The following AKAP7 variants were observed in gnomAD, a reference collection of about 807,000 sequenced individuals.
AKAP7 encodes the protein A-kinase anchoring protein 7.
Under a neutral mutation model 39.5 loss-of-function variants are expected in AKAP7, and 39 were observed. The observed-to-expected ratio is 0.99, with a 90% CI of 0.76 to 1.29. The LOEUF is 1.29. Ranked by LOEUF, AKAP7 falls within the 50% of genes most tolerant of loss-of-function variation. The pLI, the probability that AKAP7 is intolerant of heterozygous loss-of-function variation, is 0.00. For missense variants in AKAP7, 414 were observed against 407.7 expected, an observed-to-expected ratio of 1.02 and a Z score of -0.13; for synonymous variants, 140 against 139.1, an observed-to-expected ratio of 1.01 and a Z score of -0.05.
At chr6:131,240,856 G>A (rs111335902) in intron 7 of AKAP7, among the ~76,000 whole-genome samples, 3,614 of 152,266 alleles carry the variant, frequency 0.024, 149 homozygotes, top group African/African-American at 0.082. Flanking sequence ...TGCACTTCCC[G>A]GGTGAGGTGA....
At chr6:131,213,604 A>G (rs1808877908) in intron 6 of AKAP7, among the ~76,000 whole-genome samples, 1 of 152,142 alleles carries the variant, frequency 6.6e-6, no homozygotes, top group African/African-American at 2.4e-5. Context: ...GTTTGATGAA[A>G]GGGAGTTGAG....
At chr6:131,131,660 A>G (rs1322969775), upstream of AKAP7, among the ~76,000 whole-genome samples, 1 of 152,114 alleles carries the variant, frequency 6.6e-6, no homozygotes, top group Non-Finnish European at 1.5e-5. Context: ...CGTAAAGTCT[A>G]ATGTATGAAA....
At chr6:131,226,913 A>C (rs562243264) in intron 7 of AKAP7, among the ~76,000 whole-genome samples, 1 of 152,188 alleles carries the variant, frequency 6.6e-6, no homozygotes, top group Non-Finnish European at 1.5e-5. Context: ...CGATGTGCCT[A>C]CTTCTCTCTC....
At chr6:131,155,469 T>C (rs1802337977) in intron 2 of AKAP7, among the ~76,000 whole-genome samples, 1 of 152,268 alleles carries the variant, frequency 6.6e-6, no homozygotes, top group Non-Finnish European at 1.5e-5. Flanking sequence ...TTCCATCTAA[T>C]GGATCATCCA....
chr6:131,128,193 G>A, the AKAP7 span, among the ~76,000 whole-genome samples: 4 of 151,848 alleles, frequency 2.6e-5, no homozygotes, highest in African/African-American at 9.7e-5. Context: ...ATAAAATAAT[G>A]GATTTTATAA....
intron 7 of AKAP7, among the ~76,000 whole-genome samples, chr6:131,238,898 C>T (rs370438273): frequency 6.6e-6 from 1 of 152,150 alleles, no homozygotes; most frequent in African/African-American, 2.4e-5. Flanking sequence ...GAGCATTTAG[C>T]CCATTTACAT....
chr6:131,169,725 A>G (rs1472622696), intron 5 of AKAP7, among the ~76,000 whole-genome samples: 2 of 152,326 alleles, frequency 1.3e-5, no homozygotes. Flanking sequence ...AGCAGAAAAA[A>G]AATCATAACC....
chr6:131,255,033 C>G (rs1296795265), intron 7 of AKAP7, among the ~76,000 whole-genome samples: 2 of 152,132 alleles, frequency 1.3e-5, no homozygotes, highest in Admixed American at 1.3e-4. Context: ...AAATTTTACA[C>G]AAGGACATCT....
At chr6:131,253,142 A>AT (rs770195483) in intron 7 of AKAP7, 17 of 1,583,534 alleles carry the variant, frequency 1.1e-5, no homozygotes, top group Admixed American at 1.7e-5. Flanking sequence ...TCCTGCTGCT[A>AT]TTTTATCCTG....
At chr6:131,236,839 T>C (rs979149186) in intron 7 of AKAP7, among the ~76,000 whole-genome samples, 2 of 152,188 alleles carry the variant, frequency 1.3e-5, no homozygotes, top group African/African-American at 4.8e-5. Flanking sequence ...TATACAATCA[T>C]GTCATCTGCA....
chr6:131,258,946 G>T (rs1044266584), intron 7 of AKAP7, among the ~76,000 whole-genome samples: 2 of 152,122 alleles, frequency 1.3e-5, no homozygotes, highest in Non-Finnish European at 2.9e-5. Flanking sequence ...ATTCCCAAGG[G>T]AGTCAGAGCT....
chr6:131,210,503 TG>T (rs928537250), intron 6 of AKAP7, among the ~76,000 whole-genome samples: 1 of 152,220 alleles, frequency 6.6e-6, no homozygotes, highest in African/African-American at 2.4e-5. Flanking sequence ...ATTTAACTGT[TG>T]GCCAGGTTTG....
chr6:131,219,888 C>T, intron 7 of AKAP7, 80 bp downstream of exon 7: 1 of 1,000,956 alleles, frequency 1.0e-6, no homozygotes, highest in South Asian at 2.3e-5. Flanking sequence ...AATATTTAAA[C>T]TTAGTTGTAT....
rs575904406 is a variant in AKAP7 at position 131,135,806 on chromosome 6, C to T, written c.19+24C>T. 446 of 1,227,134 alleles carry T rather than the reference C, an allele frequency of 3.6e-4. No individual in the cohort carries two copies. The African/African-American group carries it at 6.2e-3, about 17-fold the overall frequency. 76.0% of individuals were successfully genotyped at this position (1,227,134 alleles called of 1,614,324 possible). Reference sequence around the variant, plus strand: ...GGGTGAGACCGGGCTGTCCAGCGGGCCGGGGCGGGGGCGACAGGAGCCGCG... The same window carrying T: ...GGGTGAGACCGGGCTGTCCAGCGGGTCGGGGCGGGGGCGACAGGAGCCGCG... On this transcript the variant is annotated intron_variant, in intron 1 of 7. Coordinates refer to ENST00000431975, the MANE Select transcript of AKAP7 (RefSeq NM_016377.4).
Position 131,282,031 on chromosome 6 carries a change from C to T in AKAP7, c.*305C>T, listed in dbSNP as rs775795554. On this transcript the variant is annotated 3_prime_UTR_variant, in exon 8 of 8. Transcript: ENST00000431975. ...TGCCTCCTGGACGCAAATTAAAGGCCGAGAAAGAGGCCTTGCCATCAATGG... is the reference window on the plus strand; with the variant it reads ...TGCCTCCTGGACGCAAATTAAAGGCTGAGAAAGAGGCCTTGCCATCAATGG... The T allele has an allele frequency of 3.0e-5, 34 of 1,142,820 alleles. No homozygotes were observed. The highest frequency in any genetic ancestry group is 4.5e-5 in the Admixed American group (1 of 22,212). The allele number at this position is 1,142,820 out of a possible 1,614,324, so 70.8% of individuals were successfully genotyped here.
chr6:131,235,509 G>A (rs1810974242), intron 7 of AKAP7, among the ~76,000 whole-genome samples: 1 of 152,186 alleles, frequency 6.6e-6, no homozygotes, highest in African/African-American at 2.4e-5. Context: ...GGTTGAACTA[G>A]TTTACAGTCC....
the AKAP7 span, among the ~76,000 whole-genome samples, chr6:131,125,709 G>C: frequency 6.6e-6 from 1 of 152,064 alleles, no homozygotes; most frequent in East Asian, 1.9e-4. Context: ...CCTGAATTCT[G>C]GTCCTTGTAA....
At chr6:131,263,727 C>G (rs1044388731) in intron 7 of AKAP7, among the ~76,000 whole-genome samples, 1 of 152,068 alleles carries the variant, frequency 6.6e-6, no homozygotes, top group Non-Finnish European at 1.5e-5. Context: ...ACCAAGGGGA[C>G]AGGTGCAGTG....
chr6:131,216,850 A>T (rs1346057911), intron 6 of AKAP7, among the ~76,000 whole-genome samples: 1 of 152,200 alleles, frequency 6.6e-6, no homozygotes, highest in Non-Finnish European at 1.5e-5. Flanking sequence ...ATAACCTTCT[A>T]AGGACTAGAC....
Sources: allele counts gnomAD v4.1 joint callset (sites outside exome capture counted in the v4.1 genomes callset), GRCh38; gene constraint gnomAD v4.1.1; transcripts MANE v1.5; gene names NCBI Gene and HGNC (gene_info 2026-07-23, HGNC 2026-07-21).